The following ARFGEF1 variants were observed in gnomAD, a reference collection of about 807,000 sequenced individuals.
ARFGEF1 encodes ARF guanine nucleotide exchange factor 1.
ARFGEF1 carries 42 observed loss-of-function variants against 231.0 expected under a neutral mutation model. The ratio of observed to expected loss-of-function variants is 0.18; its 90% CI spans 0.14 to 0.24. ARFGEF1 has a LOEUF of 0.24. ARFGEF1 is among the 10% of genes least tolerant of loss of function. The pLI is 1.00. For synonymous variants in ARFGEF1, 710 were observed against 732.3 expected, an observed-to-expected ratio of 0.97 and a Z score of 0.49; for missense variants, 1,345 against 2,192.0, an observed-to-expected ratio of 0.61 and a Z score of 7.72.
chr8:67,212,981 T>A (rs1838804189), intron 33 of ARFGEF1, among the ~76,000 whole-genome samples: 1 of 152,192 alleles, frequency 6.6e-6, no homozygotes, highest in African/African-American at 2.4e-5. Context: ...AATTTTTGGA[T>A]GTTAGGTATA....
At chr8:67,251,107 C>T (rs953739117) in intron 19 of ARFGEF1, among the ~76,000 whole-genome samples, 192 bp downstream of exon 19, 1 of 152,198 alleles carries the variant, frequency 6.6e-6, no homozygotes, top group African/African-American at 2.4e-5. Flanking sequence ...TAGTGAGTAA[C>T]TCCTCTTGTT....
chr8:67,179,463 C>T lies in ARFGEF1; in HGVS notation c.561-3891G>A, dbSNP rs72654951. On this transcript the variant is annotated intron_variant, in intron 5 of 5. Transcript: ENST00000518789. ...TGGGCTATACAGGTTTATGGAAATTCGGATGAATGAATCTTGGCAGTGGCT... is the reference window on the plus strand; with the variant it reads ...TGGGCTATACAGGTTTATGGAAATTTGGATGAATGAATCTTGGCAGTGGCT... Among the ~76,000 whole-genome samples the T allele has an allele frequency of 8.5e-3, 1,300 of 152,246 alleles. 5 individuals are homozygous for T. The highest frequency in any genetic ancestry group is 0.014 in the Non-Finnish European group (975 of 68,032).
chr8:67,336,164 AAACTTTTT>A (rs1808339220), intron 1 of ARFGEF1, among the ~76,000 whole-genome samples: 1 of 152,238 alleles, frequency 6.6e-6, no homozygotes, highest in Admixed American at 6.5e-5. Flanking sequence ...GCAGAACACA[AAACTTTTT>A]AAATATTCTT....
chr8:67,187,726 T>C (rs1221430963), intron 5 of ARFGEF1, among the ~76,000 whole-genome samples: 5 of 152,052 alleles, frequency 3.3e-5, no homozygotes. Context: ...AGTCAGCTGA[T>C]CTCTGACAGA....
At position 67,218,333 on chromosome 8, in the gene ARFGEF1, C is replaced by G. The variant is rs539017859; in HGVS notation, c.4339-195G>C. Among the ~76,000 whole-genome samples the G allele has an allele frequency of 3.8e-4, 57 of 149,804 alleles. 1 individual carries two copies. Among genetic ancestry groups the G allele is most frequent in the African/African-American group, 1.3e-3 (53 of 40,768 alleles). ...TTCACCTCAACTTAAAATCTGATAT[C>G]TATTGCTCCTTATTATCCCATAACC... On this transcript the variant is annotated intron_variant, in intron 30 of 38. Coordinates refer to ENST00000262215, the MANE Select transcript of ARFGEF1 (RefSeq NM_006421.5).
intron 5 of ARFGEF1, among the ~76,000 whole-genome samples, chr8:67,192,156 T>A (rs1193185448): frequency 4.0e-5 from 6 of 149,040 alleles, no homozygotes; most frequent in African/African-American, 1.5e-4. Flanking sequence ...CACTGCACCC[T>A]CTGCCCCAGT....
intron 19 of ARFGEF1, among the ~76,000 whole-genome samples, chr8:67,241,079 G>A (rs1445405479): frequency 6.6e-6 from 1 of 152,094 alleles, no homozygotes; most frequent in Non-Finnish European, 1.5e-5. Flanking sequence ...TTCTATCAGT[G>A]CGCTATAGAA....
intron 1 of ARFGEF1, among the ~76,000 whole-genome samples, chr8:67,313,435 G>C (rs765677930): frequency 2.0e-5 from 3 of 152,144 alleles, no homozygotes; most frequent in Admixed American, 6.5e-5. Flanking sequence ...AAGGTCTAGG[G>C]CTGAAGGCTG....
chr8:67,283,117 T>G (rs1805606890), intron 7 of ARFGEF1, among the ~76,000 whole-genome samples: 2 of 152,158 alleles, frequency 1.3e-5, no homozygotes, highest in African/African-American at 2.4e-5. Flanking sequence ...ATTGCCTATA[T>G]TTTGACCCTG....
At chr8:67,186,011 G>C (rs1834482991) in intron 5 of ARFGEF1, among the ~76,000 whole-genome samples, 1 of 152,188 alleles carries the variant, frequency 6.6e-6, no homozygotes, top group Non-Finnish European at 1.5e-5. Context: ...TCTTCCCAAA[G>C]TAGAAGCCAA....
chr8:67,179,014 A>G (rs1015760357), intron 5 of ARFGEF1, among the ~76,000 whole-genome samples: 3 of 152,214 alleles, frequency 2.0e-5, no homozygotes, highest in Non-Finnish European at 4.4e-5. Flanking sequence ...CTTTCTGATT[A>G]AAGAATGCAG....
chr8:67,340,131 G>A (rs1267541681), intron 1 of ARFGEF1, among the ~76,000 whole-genome samples: 4 of 151,996 alleles, frequency 2.6e-5, no homozygotes, highest in African/African-American at 9.7e-5. Context: ...ATTTTGAATG[G>A]CAATACTCAG....
At chr8:67,186,967 T>A (rs915024686) in intron 5 of ARFGEF1, among the ~76,000 whole-genome samples, 3 of 139,978 alleles carry the variant, frequency 2.1e-5, no homozygotes, top group East Asian at 2.2e-4. Flanking sequence ...TAAATCTATC[T>A]ATCATCTATC....
chr8:67,175,181 C>A, downstream of ARFGEF1: 2 of 752,874 alleles, frequency 2.7e-6, no homozygotes, highest in Non-Finnish European at 4.5e-6. Context: ...TTCACTATTT[C>A]TATCATTTCC....
At chr8:67,281,601 T>C (rs1036084748) in intron 7 of ARFGEF1, among the ~76,000 whole-genome samples, 6 of 151,756 alleles carry the variant, frequency 4.0e-5, no homozygotes, top group African/African-American at 1.5e-4. Context: ...GCCAATGTAA[T>C]GTAACAAAAA....
chr8:67,342,034 G>C (rs952222343), intron 1 of ARFGEF1, among the ~76,000 whole-genome samples: 4 of 152,086 alleles, frequency 2.6e-5, no homozygotes, highest in Non-Finnish European at 5.9e-5. Context: ...CTAATTTTAA[G>C]TTGTCTAGAC....
intron 30 of ARFGEF1, 22 bp from the exon 31 acceptor site, chr8:67,218,160 G>A: frequency 7.7e-7 from 1 of 1,299,136 alleles, no homozygotes; most frequent in Non-Finnish European, 9.9e-7. Context: ...AGTCATTAAT[G>A]AACATCACGC....
intron 4 of ARFGEF1, among the ~76,000 whole-genome samples, chr8:67,297,440 G>GTA (rs1475202164): frequency 6.6e-6 from 1 of 152,086 alleles, no homozygotes; most frequent in East Asian, 1.9e-4. Context: ...GTAGCTGGGC[G>GTA]TAAGTGCCAT....
intron 7 of ARFGEF1, among the ~76,000 whole-genome samples, chr8:67,279,145 GGAAA>G (rs1805432689): frequency 6.6e-6 from 1 of 152,046 alleles, no homozygotes; most frequent in African/African-American, 2.4e-5. Flanking sequence ...TAAAGATTGT[GGAAA>G]GACTCAGAAA....
Sources: allele counts gnomAD v4.1 joint callset (sites outside exome capture counted in the v4.1 genomes callset), GRCh38; gene constraint gnomAD v4.1.1; transcripts MANE v1.5; gene names NCBI Gene and HGNC (gene_info 2026-07-23, HGNC 2026-07-21).